ADAMTS19: variants seen among roughly 807,000 people sequenced by gnomAD.
ADAMTS19 encodes A disintegrin and metalloproteinase with thrombospondin motifs 19.
A neutral mutation model predicts 153.3 loss-of-function variants in ADAMTS19; 93 were observed. That is an observed-to-expected ratio of 0.61 (90% CI 0.51 to 0.72). The LOEUF (loss-of-function observed/expected upper bound fraction) is 0.72. Ranked by LOEUF, ADAMTS19 falls within the 30% of genes least tolerant of loss-of-function variation. ADAMTS19 has a pLI of 0.00. For synonymous variants in ADAMTS19, 600 were observed against 556.6 expected (o/e 1.08, Z -1.10); for missense variants, 1,482 against 1,552.1 (o/e 0.95, Z 0.76).
intron 2 of ADAMTS19, among the ~76,000 whole-genome samples, chr5:129,476,612 G>C (rs1750235291): frequency 6.6e-6 from 1 of 152,142 alleles, no homozygotes; most frequent in African/African-American, 2.4e-5. Context: ...TATCAGTACA[G>C]TACTTTTTAT....
chr5:129,681,666 G>A (rs1015127515), intron 17 of ADAMTS19, among the ~76,000 whole-genome samples: 2 of 152,074 alleles, frequency 1.3e-5, no homozygotes, highest in African/African-American at 4.8e-5. Context: ...CGCTGACACA[G>A]AGGTCCAAAG....
intron 3 of ADAMTS19, among the ~76,000 whole-genome samples, chr5:129,511,204 A>C (rs1301651523): frequency 6.6e-6 from 1 of 151,898 alleles, no homozygotes; most frequent in Non-Finnish European, 1.5e-5. Context: ...CTTGTCTTCA[A>C]CTTGGTCTTT....
intron 18 of ADAMTS19, among the ~76,000 whole-genome samples, chr5:129,686,008 C>T (rs886565350): frequency 1.3e-5 from 2 of 152,086 alleles, no homozygotes; most frequent in African/African-American, 4.8e-5. Context: ...AAAGGAAGTA[C>T]TGACATTTTG....
intron 17 of ADAMTS19, among the ~76,000 whole-genome samples, chr5:129,680,174 C>T (rs1209179225): frequency 6.6e-6 from 1 of 152,016 alleles, no homozygotes; most frequent in Non-Finnish European, 1.5e-5. Context: ...GACAGGGAAT[C>T]CAAAGAAAAC....
chr5:129,548,208 C>G, intron 6 of ADAMTS19, among the ~76,000 whole-genome samples: 1 of 149,302 alleles, frequency 6.7e-6, no homozygotes, highest in East Asian at 2.0e-4. Flanking sequence ...TTCTGCACAG[C>G]AAAAGAAACT....
intron 3 of ADAMTS19, among the ~76,000 whole-genome samples, chr5:129,516,261 G>A (rs188317291): frequency 7.0e-6 from 1 of 143,810 alleles, no homozygotes; most frequent in Admixed American, 7.0e-5. Context: ...TAATTTATGT[G>A]TCTTTTTTTC....
At position 129,737,237 on chromosome 5, in the gene ADAMTS19, G is replaced by C; in HGVS notation, c.*19G>C. The C allele has an allele frequency of 1.9e-6, 3 of 1,575,064 alleles. No homozygotes were observed. Among genetic ancestry groups the C allele is most frequent in the Non-Finnish European group, 2.6e-6 (3 of 1,153,936 alleles). ...GAGTTGACCTCTAGCAGGCTGGCTG[G>C]ATCACAGCTCTTGGCAATTACATTA... On this transcript the variant is annotated 3_prime_UTR_variant, in exon 23 of 23. Coordinates refer to ENST00000274487, the MANE Select transcript of ADAMTS19 (RefSeq NM_133638.6).
At chr5:129,607,653 G>T (rs1316531883) in intron 8 of ADAMTS19, among the ~76,000 whole-genome samples, 2 of 152,052 alleles carry the variant, frequency 1.3e-5, no homozygotes, top group African/African-American at 4.8e-5. Flanking sequence ...TTGAATTCCT[G>T]TTTAAGATAA....
intron 2 of ADAMTS19, among the ~76,000 whole-genome samples, chr5:129,467,001 AC>A (rs1749887907): frequency 6.6e-6 from 1 of 152,236 alleles, no homozygotes; most frequent in Non-Finnish European, 1.5e-5. Flanking sequence ...AAATTTTTAA[AC>A]AACTTTCTTA....
chr5:129,611,811 A>T (rs991033098), intron 8 of ADAMTS19, among the ~76,000 whole-genome samples: 6 of 152,214 alleles, frequency 3.9e-5, no homozygotes, highest in African/African-American at 4.8e-5. Context: ...CAAAGTTGAA[A>T]TGAAGGAAAA....
intron 2 of ADAMTS19, among the ~76,000 whole-genome samples, chr5:129,486,369 A>G (rs938019893): frequency 1.3e-5 from 2 of 152,198 alleles, no homozygotes; most frequent in African/African-American, 4.8e-5. Context: ...AGCAGTAGAT[A>G]AAAAGAATAA....
Position 129,665,491 on chromosome 5 carries a change from T to C in ADAMTS19, c.2426-8T>C. On this transcript the variant is annotated splice_region_variant and splice_polypyrimidine_tract_variant and intron_variant, in intron 15 of 22. Coordinates refer to ENST00000274487, the MANE Select transcript of ADAMTS19 (RefSeq NM_133638.6). ...AAGATTTATTTCATGTTTTATTGAC[T>C]CTTACAGGTTATGTAGAAGTGCTGG... is the stretch of plus-strand genomic sequence containing the variant. The C allele has an allele frequency of 6.3e-7, 1 of 1,595,382 alleles. No homozygotes were observed. Among genetic ancestry groups the C allele is most frequent in the Non-Finnish European group, 8.6e-7 (1 of 1,167,502 alleles).
chr5:129,626,091 T>C (rs1014273457), intron 10 of ADAMTS19, among the ~76,000 whole-genome samples: 13 of 152,180 alleles, frequency 8.5e-5, no homozygotes, highest in African/African-American at 2.9e-4. Context: ...ATTTTACAAA[T>C]CAACAATTTG....
chr5:129,720,170 ATTTATTTTT>A (rs1756928418), intron 21 of ADAMTS19, among the ~76,000 whole-genome samples: 1 of 117,698 alleles, frequency 8.5e-6, no homozygotes, highest in African/African-American at 3.5e-5. Flanking sequence ...ATATATATAT[ATTTATTTTT>A]TTTTTTTTTG....
intron 2 of ADAMTS19, among the ~76,000 whole-genome samples, chr5:129,502,090 G>A (rs1469157283): frequency 6.6e-6 from 1 of 152,064 alleles, no homozygotes; most frequent in Non-Finnish European, 1.5e-5. Flanking sequence ...TAGATGCAGA[G>A]AACAATTGCT....
At chr5:129,713,085 T>C (rs1408942792) in intron 21 of ADAMTS19, among the ~76,000 whole-genome samples, 1 of 152,174 alleles carries the variant, frequency 6.6e-6, no homozygotes, top group Non-Finnish European at 1.5e-5. Context: ...CTAAACCATA[T>C]CTCAGATTAA....
chr5:129,646,104 G>T (rs972818272), intron 11 of ADAMTS19, among the ~76,000 whole-genome samples: 4 of 150,856 alleles, frequency 2.7e-5, no homozygotes, highest in Admixed American at 6.6e-5. Flanking sequence ...TAGCCGGGAT[G>T]GTCTCGATCT....
At chr5:129,489,755 T>C (rs1004830025) in intron 2 of ADAMTS19, among the ~76,000 whole-genome samples, 6 of 152,058 alleles carry the variant, frequency 3.9e-5, no homozygotes, top group African/African-American at 1.4e-4. Flanking sequence ...GAGTGTGCAG[T>C]TTCAAATCCA....
intron 6 of ADAMTS19, among the ~76,000 whole-genome samples, chr5:129,538,001 T>A (rs1752515033): frequency 6.6e-6 from 1 of 151,954 alleles, no homozygotes; most frequent in Non-Finnish European, 1.5e-5. Context: ...ATGGAAAGAT[T>A]TGCATGGATG....
Sources: allele counts gnomAD v4.1 joint callset (sites outside exome capture counted in the v4.1 genomes callset), GRCh38; gene constraint gnomAD v4.1.1; transcripts MANE v1.5; gene names NCBI Gene and HGNC (gene_info 2026-07-23, HGNC 2026-07-21).